Variants in ME1 observed in about 807,000 individuals in gnomAD.
ME1 encodes the protein malic enzyme 1.
Under a neutral mutation model 66.4 loss-of-function variants are expected in ME1, and 74 were observed. The observed-to-expected ratio is 1.11, with a 90% CI of 0.92 to 1.35. ME1 has a LOEUF of 1.35. Among genes scored for constraint, ME1 ranks in the 40% most tolerant of loss-of-function variants. ME1 has a pLI of 0.00. For missense variants in ME1, 750 were observed against 694.1 expected, an observed-to-expected ratio of 1.08 and a Z score of -0.90; for synonymous variants, 251 against 235.6, an observed-to-expected ratio of 1.07 and a Z score of -0.60.
intron 7 of ME1, among the ~76,000 whole-genome samples, chr6:83,247,373 T>C (rs535432559): frequency 9.9e-5 from 15 of 152,270 alleles, no homozygotes; most frequent in African/African-American, 3.6e-4. Flanking sequence ...CAGTTTAAAA[T>C]AATTTATAAT....
intron 6 of ME1, among the ~76,000 whole-genome samples, chr6:83,266,511 T>C (rs1562464099): frequency 6.6e-6 from 1 of 152,226 alleles, no homozygotes; most frequent in East Asian, 1.9e-4. Context: ...TAATAGTTTC[T>C]TATGGCAGTA....
intron 3 of ME1, among the ~76,000 whole-genome samples, chr6:83,396,555 T>G (rs371121230): frequency 5.9e-5 from 9 of 152,108 alleles, no homozygotes; most frequent in Non-Finnish European, 1.3e-4. Flanking sequence ...CCCAAAGAGA[T>G]CTACAGATTC....
chr6:83,309,366 C>T (rs1767888255), intron 6 of ME1, among the ~76,000 whole-genome samples: 1 of 152,084 alleles, frequency 6.6e-6, no homozygotes, highest in African/African-American at 2.4e-5. Flanking sequence ...ATGATACTGA[C>T]AATGAGAAAA....
At chr6:83,347,784 T>C (rs983554129) in intron 4 of ME1, among the ~76,000 whole-genome samples, 3 of 152,172 alleles carry the variant, frequency 2.0e-5, no homozygotes, top group Non-Finnish European at 4.4e-5. Flanking sequence ...TATAAAGTTA[T>C]AGCATTTTAG....
At chr6:83,397,108 T>G (rs1478809755) in intron 3 of ME1, among the ~76,000 whole-genome samples, 1 of 152,074 alleles carries the variant, frequency 6.6e-6, no homozygotes, top group African/African-American at 2.4e-5. Context: ...CCCAGTGGCA[T>G]AGGCAAAAGC....
At chr6:83,419,910 T>A (rs1157667037) in intron 1 of ME1, among the ~76,000 whole-genome samples, 1 of 152,174 alleles carries the variant, frequency 6.6e-6, no homozygotes, top group East Asian at 1.9e-4. Context: ...TGTAGTTATA[T>A]GTGACCATAT....
At chr6:83,345,340 A>T (rs1432004299) in intron 5 of ME1, among the ~76,000 whole-genome samples, 1 of 152,244 alleles carries the variant, frequency 6.6e-6, no homozygotes, top group Non-Finnish European at 1.5e-5. Flanking sequence ...TCATGCATAG[A>T]TCAAGTTAAA....
At chr6:83,355,094 C>A (rs528098086) in intron 3 of ME1, among the ~76,000 whole-genome samples, 1 of 152,168 alleles carries the variant, frequency 6.6e-6, no homozygotes, top group South Asian at 2.1e-4. Flanking sequence ...ATTATAAGTT[C>A]TTTATAAGGT....
At chr6:83,362,821 G>A (rs967673019) in intron 3 of ME1, among the ~76,000 whole-genome samples, 3 of 152,146 alleles carry the variant, frequency 2.0e-5, no homozygotes, top group Non-Finnish European at 4.4e-5. Context: ...GCATCATCAT[G>A]GTATTACACA....
intron 6 of ME1, among the ~76,000 whole-genome samples, chr6:83,281,846 C>CAAAAAAAAAAAAAAAAA (rs1562468375): frequency 1.5e-5 from 1 of 67,728 alleles, no homozygotes; most frequent in Non-Finnish European, 3.0e-5. Context: ...GAAAAGAAAA[C>CAAAAAAAAAAAAAAAAA]AAAAAAGAGA....
chr6:83,370,780 A>T (rs1354209768), intron 3 of ME1, among the ~76,000 whole-genome samples: 1 of 152,130 alleles, frequency 6.6e-6, no homozygotes, highest in Admixed American at 6.5e-5. Context: ...CCATTACTTA[A>T]TGTCTAGGGA....
At chr6:83,381,852 A>T (rs1769405807) in intron 3 of ME1, among the ~76,000 whole-genome samples, 1 of 152,100 alleles carries the variant, frequency 6.6e-6, no homozygotes, top group Admixed American at 6.6e-5. Flanking sequence ...CTTTAGTTAG[A>T]TGCTGTCTAC....
In ME1 at chr6:83,230,072, C is replaced by T. The variant is rs540020876; in HGVS notation, c.1027-1141G>A. Among the ~76,000 whole-genome samples the T allele has an allele frequency of 1.6e-4, 24 of 152,144 alleles. No individual in the cohort carries two copies. In the South Asian group the frequency reaches 4.4e-3, roughly 28 times the overall value. On this transcript the variant is annotated intron_variant, in intron 9 of 13. Coordinates refer to ENST00000369705, the MANE Select transcript of ME1 (RefSeq NM_002395.6). ...CTTCTGGCCTCAGGAGTGATCTTTT[C>T]GCTTCAGCCTCCTGAGTCACTAGGA...
intron 1 of ME1, among the ~76,000 whole-genome samples, chr6:83,417,065 T>G (rs1408268729): frequency 6.6e-6 from 1 of 152,196 alleles, no homozygotes; most frequent in Non-Finnish European, 1.5e-5. Context: ...TGCTTTGTTT[T>G]GCTTTGTTTA....
At chr6:83,253,007 A>T (rs1034247740) in intron 7 of ME1, among the ~76,000 whole-genome samples, 1 of 152,140 alleles carries the variant, frequency 6.6e-6, no homozygotes, top group African/African-American at 2.4e-5. Flanking sequence ...CAAGTTGCAA[A>T]ACCTCTTTAC....
At chr6:83,283,268 G>A (rs1256569347) in intron 6 of ME1, among the ~76,000 whole-genome samples, 2 of 146,744 alleles carry the variant, frequency 1.4e-5, no homozygotes, top group African/African-American at 5.1e-5. Context: ...CATGTCCTTT[G>A]CAGGGGCATG....
chr6:83,219,720 T>C (rs986976658), intron 12 of ME1, among the ~76,000 whole-genome samples: 1 of 150,988 alleles, frequency 6.6e-6, no homozygotes, highest in Non-Finnish European at 1.5e-5. Context: ...ACAACAGCTG[T>C]GTGCCATCAT....
intron 5 of ME1, among the ~76,000 whole-genome samples, chr6:83,345,356 T>C (rs2128543687): frequency 6.6e-6 from 1 of 152,362 alleles, no homozygotes; most frequent in East Asian, 1.9e-4. Flanking sequence ...TTAAACATTG[T>C]AACTTTCTAT....
At chr6:83,302,660 A>G (rs1405758716) in intron 6 of ME1, among the ~76,000 whole-genome samples, 1 of 152,208 alleles carries the variant, frequency 6.6e-6, no homozygotes, top group Admixed American at 6.5e-5. Flanking sequence ...CAGTCTAGAT[A>G]TTTAACCTGA....
Sources: allele counts gnomAD v4.1 joint callset (sites outside exome capture counted in the v4.1 genomes callset), GRCh38; gene constraint gnomAD v4.1.1; transcripts MANE v1.5; gene names NCBI Gene and HGNC (gene_info 2026-07-23, HGNC 2026-07-21).